The following ADAM10 variants were observed in gnomAD, a reference collection of about 807,000 sequenced individuals.
The protein encoded by ADAM10 is ADAM metallopeptidase domain 10, also known as disintegrin and metalloproteinase domain-containing protein 10.
Under a neutral mutation model 90.1 loss-of-function variants are expected in ADAM10, and 17 were observed. The ratio of observed to expected loss-of-function variants is 0.19; its 90% CI spans 0.13 to 0.28. The LOEUF (loss-of-function observed/expected upper bound fraction) is 0.28, where lower values mean the gene tolerates loss of function less well. ADAM10 is among the 10% of genes least tolerant of loss of function. The probability of loss-of-function intolerance (pLI) is 1.00; values close to 1 mark genes in which losing one functional copy is unlikely to be tolerated. For missense variants in ADAM10, 610 were observed against 914.3 expected, an observed-to-expected ratio of 0.67 and a Z score of 4.29; for synonymous variants, 310 against 298.6, an observed-to-expected ratio of 1.04 and a Z score of -0.40.
At chr15:58,609,357 T>C (rs545738758) in intron 14 of ADAM10, 2 of 152,256 alleles carry the variant, frequency 1.3e-5, no homozygotes, top group South Asian at 4.1e-4. Flanking sequence ...AAACCACATA[T>C]CCTAATGTGT....
At chr15:58,625,030 AAAC>A (rs1895896680) in intron 10 of ADAM10, among the ~76,000 whole-genome samples, 2 of 152,228 alleles carry the variant, frequency 1.3e-5, no homozygotes, top group African/African-American at 2.4e-5. Flanking sequence ...AGCATTAGAA[AAAC>A]AACCACTGAC....
chr15:58,738,577 C>G lies in ADAM10; in HGVS notation c.55+10903G>C, dbSNP rs139696955. On this transcript the variant is annotated intron_variant, in intron 1 of 15. Coordinates refer to ENST00000260408, the MANE Select transcript of ADAM10 (RefSeq NM_001110.4). ...ACAATTAAAAGCCTATTTCAACATACCCACTTTTTGAAATCAGCTAGTCTC... is the reference window on the plus strand; with the variant it reads ...ACAATTAAAAGCCTATTTCAACATAGCCACTTTTTGAAATCAGCTAGTCTC... 3.3e-3 allele frequency among the ~76,000 whole-genome samples: 499 copies of G among 152,240 alleles called. 3 individuals carry two copies. The highest frequency in any genetic ancestry group is 0.012 in the African/African-American group (483 of 41,548).
At chr15:58,681,579 G>A (rs1897443463) in intron 3 of ADAM10, among the ~76,000 whole-genome samples, 1 of 152,120 alleles carries the variant, frequency 6.6e-6, no homozygotes. Context: ...AACACCCCCA[G>A]AAGATTTTCA....
chr15:58,598,514 G>A (rs1266244530), intron 15 of ADAM10, among the ~76,000 whole-genome samples: 1 of 152,204 alleles, frequency 6.6e-6, no homozygotes, highest in Non-Finnish European at 1.5e-5. Context: ...GAACAACTGA[G>A]GGAAAACAGA....
At position 58,597,462 on chromosome 15, in the gene ADAM10, T is replaced by G. The variant is rs200550328; in HGVS notation, c.*85A>C. 6.2e-7 allele frequency: 1 copy of G among 1,605,394 alleles called. No individual in the cohort carries two copies. Among genetic ancestry groups the G allele is most frequent in the Non-Finnish European group, 8.5e-7 (1 of 1,175,368 alleles). ...CAACTGTTACTTGTGAGGGTTTAGTTTGGAGATGATGACTTAATAGGTTTC... is the reference window on the plus strand; with the variant it reads ...CAACTGTTACTTGTGAGGGTTTAGTGTGGAGATGATGACTTAATAGGTTTC... On this transcript the variant is annotated 3_prime_UTR_variant, in exon 16 of 16. Coordinates refer to ENST00000260408, the MANE Select transcript of ADAM10 (RefSeq NM_001110.4).
At chr15:58,703,400 A>C (rs914335752) in intron 2 of ADAM10, among the ~76,000 whole-genome samples, 3 of 152,156 alleles carry the variant, frequency 2.0e-5, no homozygotes, top group Non-Finnish European at 4.4e-5. Context: ...GTTGCACATC[A>C]ATGTTCATAG....
At chr15:58,653,985 T>C (rs12438810) in intron 5 of ADAM10, among the ~76,000 whole-genome samples, 28,195 of 152,066 alleles carry the variant, frequency 0.19, 2,945 homozygotes, top group East Asian at 0.41. Flanking sequence ...CATTTTGCAA[T>C]TTATTGGCAT....
chr15:58,684,651 G>A (rs1208299183), intron 2 of ADAM10, among the ~76,000 whole-genome samples: 1 of 152,234 alleles, frequency 6.6e-6, no homozygotes, highest in East Asian at 1.9e-4. Context: ...AGGTGATCAT[G>A]AGTTGTATCC....
At position 58,590,328 on chromosome 15, in the gene ADAM10, T is replaced by C. The variant is rs1454015097; in HGVS notation, c.*7219A>G. The C allele has an allele frequency of 6.6e-6, 1 of 152,250 alleles. No homozygotes were observed. The highest frequency in any genetic ancestry group is 1.5e-5 in the Non-Finnish European group (1 of 68,072). 9.4% of individuals were successfully genotyped at this position (152,250 alleles called of 1,614,324 possible). A position where few individuals can be genotyped will look rare whatever the true frequency, so the allele number is the denominator to read the frequency against. On this transcript the variant is annotated 3_prime_UTR_variant, in exon 16 of 16. Transcript: ENST00000260408. ...TACATTTATTCACATGATTATCTGA[T>C]ATCTATCTCACCTACAAGACCATAC... is the stretch of plus-strand genomic sequence containing the variant.
chr15:58,661,706 A>C (rs943451439), intron 5 of ADAM10, among the ~76,000 whole-genome samples: 13 of 152,156 alleles, frequency 8.5e-5, no homozygotes, highest in African/African-American at 3.1e-4. Flanking sequence ...GTATCTAAAA[A>C]TTCGGAGGCA....
At chr15:58,632,317 A>C (rs1298442037) in intron 9 of ADAM10, among the ~76,000 whole-genome samples, 1 of 152,170 alleles carries the variant, frequency 6.6e-6, no homozygotes. Flanking sequence ...TTTTTTCAGG[A>C]ATGTGTACTG....
At chr15:58,699,442 C>G (rs1270364519) in intron 2 of ADAM10, among the ~76,000 whole-genome samples, 2 of 152,010 alleles carry the variant, frequency 1.3e-5, no homozygotes, top group African/African-American at 4.8e-5. Context: ...CAATGATAAA[C>G]AATAAGAGAA....
intron 4 of ADAM10, among the ~76,000 whole-genome samples, chr15:58,677,434 G>A (rs1398979234): frequency 1.2e-4 from 18 of 150,380 alleles, no homozygotes; most frequent in African/African-American, 4.4e-4. Context: ...CATCTTTGGG[G>A]AAAAAAAAAG....
At chr15:58,616,879 C>T (rs1022871722) in intron 11 of ADAM10, among the ~76,000 whole-genome samples, 8 of 152,042 alleles carry the variant, frequency 5.3e-5, no homozygotes, top group East Asian at 1.9e-4. Flanking sequence ...GAGGCCGAGG[C>T]GGACAGATCA....
intron 2 of ADAM10, among the ~76,000 whole-genome samples, chr15:58,685,070 T>C (rs1184479162): frequency 6.6e-6 from 1 of 151,200 alleles, no homozygotes; most frequent in Non-Finnish European, 1.5e-5. Context: ...TATTTATGGG[T>C]ATACCCATAT....
At chr15:58,630,781 G>A (rs1392615675) in intron 9 of ADAM10, among the ~76,000 whole-genome samples, 1 of 152,144 alleles carries the variant, frequency 6.6e-6, no homozygotes, top group Non-Finnish European at 1.5e-5. Flanking sequence ...AGGGAGACAG[G>A]TTCAGGTGTT....
chr15:58,748,569 CAGGGGGG>C (rs1899867107), intron 1 of ADAM10: 1 of 201,982 alleles, frequency 5.0e-6, no homozygotes, highest in South Asian at 1.9e-4. Context: ...CTTTCATGTG[CAGGGGGG>C]AGGGGGCACT....
At chr15:58,734,544 A>G (rs1317425149) in intron 1 of ADAM10, among the ~76,000 whole-genome samples, 2 of 152,100 alleles carry the variant, frequency 1.3e-5, no homozygotes, top group Non-Finnish European at 2.9e-5. Flanking sequence ...TACAACAAAT[A>G]CAAAAATCAG....
chr15:58,599,579 C>G lies in ADAM10; in HGVS notation c.2152+19G>C. 2 of 1,612,008 alleles carry G rather than the reference C, an allele frequency of 1.2e-6. No homozygotes were observed. The highest frequency in any genetic ancestry group is 1.7e-6 in the Non-Finnish European group (2 of 1,178,538). ...AATTCTGAGTTACATAAATATGTAT[C>G]TTGCTCAAATATTCTTACCTGGAAG... On this transcript the variant is annotated intron_variant, in intron 15 of 15. Transcript: ENST00000260408.
Sources: allele counts gnomAD v4.1 joint callset (sites outside exome capture counted in the v4.1 genomes callset), GRCh38; gene constraint gnomAD v4.1.1; transcripts MANE v1.5; gene names NCBI Gene and HGNC (gene_info 2026-07-23, HGNC 2026-07-21).